The following PUM1 variants were observed in gnomAD, a reference collection of about 807,000 sequenced individuals.
PUM1 encodes the protein pumilio RNA binding family member 1.
PUM1 carries 13 observed loss-of-function variants against 131.8 expected under a neutral mutation model. The observed-to-expected ratio is 0.10, with a 90% confidence interval of 0.06 to 0.16. The LOEUF (loss-of-function observed/expected upper bound fraction) is 0.16. Ranked by LOEUF, PUM1 falls within the 10% of genes least tolerant of loss-of-function variation. The pLI is 1.00. For synonymous variants in PUM1, 509 were observed against 556.5 expected (o/e 0.91, Z 1.20); for missense variants, 961 against 1,512.4 (o/e 0.64, Z 6.05).
chr1:30,998,993 T>C (rs1642085692), intron 5 of PUM1, among the ~76,000 whole-genome samples: 1 of 144,612 alleles, frequency 6.9e-6, no homozygotes, highest in Non-Finnish European at 1.5e-5. Flanking sequence ...TGTGGTGTTT[T>C]TGTTTTTGTT....
intron 2 of PUM1, among the ~76,000 whole-genome samples, chr1:31,042,269 G>A (rs1643843040): frequency 6.6e-6 from 1 of 151,806 alleles, no homozygotes; most frequent in African/African-American, 2.4e-5. Flanking sequence ...TTGCACCACT[G>A]CACTCCAACC....
chr1:30,931,563 C>T lies in PUM1; in HGVS notation c.*1648G>A, dbSNP rs1638977970. 1 of 152,586 alleles carries T rather than the reference C, an allele frequency of 6.6e-6. No individual in the cohort carries two copies. The highest frequency in any genetic ancestry group is 6.5e-5 in the Admixed American group (1 of 15,278). The allele number at this position is 152,586 out of a possible 1,614,324, so 9.5% of individuals were successfully genotyped here. A position where few individuals can be genotyped will look rare whatever the true frequency, so the allele number is the denominator to read the frequency against. The stretch of plus-strand genomic sequence containing the variant: ...AGATCACACATTGTTTAGAGACAAT[C>T]TACACAAGAGTTACAAAAAATAGTT... On this transcript the variant is annotated 3_prime_UTR_variant, in exon 22 of 22. Coordinates refer to ENST00000426105, the MANE Select transcript of PUM1 (RefSeq NM_001020658.2).
intron 2 of PUM1, among the ~76,000 whole-genome samples, chr1:31,038,829 C>T (rs1643700898): frequency 6.6e-6 from 1 of 151,052 alleles, no homozygotes; most frequent in African/African-American, 2.4e-5. Context: ...AATATGGGCA[C>T]AGATTTGTTA....
In PUM1 at chr1:30,931,992, T is replaced by C. The variant is rs561156727; in HGVS notation, c.*1219A>G. 1.3e-5 allele frequency: 2 copies of C among 152,708 alleles called. No homozygotes were observed. Among genetic ancestry groups the C allele is most frequent in the South Asian group, 2.1e-4 (1 of 4,826 alleles). The allele number at this position is 152,708 out of a possible 1,614,324, so 9.5% of individuals were successfully genotyped here. On this transcript the variant is annotated 3_prime_UTR_variant, in exon 22 of 22. Transcript: ENST00000426105. ...GAATCTCGCTATACTTGAGACTAGA[T>C]GACAAATAAAACCAAGCTATTTTTT...
In PUM1 at chr1:30,981,403, C is replaced by T. The variant is rs756179014; in HGVS notation, c.1161G>A (p.Leu387=). 3 of 1,586,804 alleles carry T rather than the reference C, an allele frequency of 1.9e-6. No homozygotes were observed. Among genetic ancestry groups the T allele is most frequent in the South Asian group, 1.1e-5 (1 of 87,756 alleles). The change falls in exon 8 of 22, where the codon CTG becomes CTA. Residue 387 remains leucine (L), a splice_region_variant and synonymous_variant. Transcript: ENST00000426105. ...GLFDYNSQQQ[L]FQRPNALAVQ... Reference sequence around the variant, plus strand: ...CAGCAAGCGCATTAGGTCTTTGGAACAGCTGAGGCAAGAGGAAAAACACGG... The same window carrying T: ...CAGCAAGCGCATTAGGTCTTTGGAATAGCTGAGGCAAGAGGAAAAACACGG...
chr1:31,028,663 C>G, intron 3 of PUM1, 133 bp downstream of exon 3: 1 of 803,196 alleles, frequency 1.2e-6, no homozygotes, highest in Non-Finnish European at 2.1e-6. Context: ...GCATCCCGTT[C>G]CTATCATGAG....
intron 17 of PUM1, among the ~76,000 whole-genome samples, chr1:30,945,777 C>CTTTTGTGT (rs1639641465): frequency 1.3e-5 from 2 of 152,224 alleles, no homozygotes; most frequent in Middle Eastern, 3.4e-3. Flanking sequence ...CTTAAGAGTG[C>CTTTTGTGT]TTTTGTGTTT....
chr1:30,995,471 C>T (rs1641948160), intron 5 of PUM1, among the ~76,000 whole-genome samples: 1 of 150,988 alleles, frequency 6.6e-6, no homozygotes, highest in Non-Finnish European at 1.5e-5. Flanking sequence ...GTCCCACCAA[C>T]CCATTTTCTT....
intron 2 of PUM1, among the ~76,000 whole-genome samples, chr1:31,047,414 A>ATGT (rs1643995772): frequency 6.6e-6 from 1 of 152,206 alleles, no homozygotes; most frequent in Non-Finnish European, 1.5e-5. Flanking sequence ...TCCTGGCACT[A>ATGT]TGTTGTCAGT....
At chr1:31,049,688 A>T (rs1644060589) in intron 2 of PUM1, among the ~76,000 whole-genome samples, 1 of 152,116 alleles carries the variant, frequency 6.6e-6, no homozygotes, top group Non-Finnish European at 1.5e-5. Context: ...TCAAAAAAAT[A>T]AAATTAAATT....
intron 2 of PUM1, among the ~76,000 whole-genome samples, chr1:31,041,695 C>T (rs1438144492): frequency 6.6e-6 from 1 of 152,128 alleles, no homozygotes. Context: ...ACATGTGCTC[C>T]CACTGTGCCT....
intron 3 of PUM1, among the ~76,000 whole-genome samples, chr1:31,024,422 T>A (rs1297003258): frequency 6.6e-6 from 1 of 152,230 alleles, no homozygotes; most frequent in African/African-American, 2.4e-5. Context: ...TTCCTGTGAA[T>A]AAGGTAGGAT....
chr1:31,037,681 C>T (rs1376717208), intron 2 of PUM1, among the ~76,000 whole-genome samples: 2 of 150,084 alleles, frequency 1.3e-5, no homozygotes, highest in Admixed American at 1.3e-4. Flanking sequence ...CACTCCAGCC[C>T]GGGCGACAAA....
intron 3 of PUM1, among the ~76,000 whole-genome samples, chr1:31,023,929 A>AAAC (rs1643128139): frequency 6.6e-6 from 1 of 151,418 alleles, no homozygotes; most frequent in Admixed American, 6.6e-5. Flanking sequence ...TGTCTCAAAA[A>AAAC]AAAAAAAAAA....
chr1:31,026,733 C>T (rs976930393), intron 3 of PUM1, among the ~76,000 whole-genome samples: 4 of 151,962 alleles, frequency 2.6e-5, no homozygotes, highest in Admixed American at 6.6e-5. Flanking sequence ...TTTCCTTATC[C>T]GGATAATAGA....
chr1:31,046,311 G>T (rs112481511), intron 2 of PUM1, among the ~76,000 whole-genome samples: 1 of 147,704 alleles, frequency 6.8e-6, no homozygotes, highest in Non-Finnish European at 1.5e-5. Flanking sequence ...GCTTGAACCC[G>T]GGAGGTGGAG....
At chr1:31,001,709 C>T (rs1642221253) in intron 5 of PUM1, among the ~76,000 whole-genome samples, 1 of 152,180 alleles carries the variant, frequency 6.6e-6, no homozygotes, top group East Asian at 1.9e-4. Context: ...CCAATTTTCA[C>T]ATTTTTTCCC....
chr1:30,973,114 G>A (rs1640991628), intron 10 of PUM1: 1 of 183,296 alleles, frequency 5.5e-6, no homozygotes, highest in Non-Finnish European at 1.2e-5. Context: ...CACTCATTCT[G>A]TCAACAAATT....
Position 31,043,365 on chromosome 1 carries a change from G to A in PUM1, c.364-14501C>T, listed in dbSNP as rs186852233. ...TTATAGGCACCCCCCCATCATGTCCGGCTAATTTTTTTTTTTTTGTATTTT... is the reference window on the plus strand; with the variant it reads ...TTATAGGCACCCCCCCATCATGTCCAGCTAATTTTTTTTTTTTTGTATTTT... On this transcript the variant is annotated intron_variant, in intron 2 of 21. Transcript: ENST00000426105. 5.2e-3 allele frequency among the ~76,000 whole-genome samples: 794 copies of A among 151,644 alleles called. 6 individuals carry two copies. The highest frequency in any genetic ancestry group is 0.018 in the African/African-American group (728 of 41,350).
Sources: allele counts gnomAD v4.1 joint callset (sites outside exome capture counted in the v4.1 genomes callset), GRCh38; gene constraint gnomAD v4.1.1; transcripts MANE v1.5; gene names NCBI Gene and HGNC (gene_info 2026-07-23, HGNC 2026-07-21).